Variants in ERC2 observed in about 807,000 individuals in gnomAD.
ERC2 encodes ERC protein 2.
ERC2 carries 42 observed loss-of-function variants against 114.8 expected under a neutral mutation model. The observed-to-expected ratio is 0.37, with a 90% CI of 0.29 to 0.47. The LOEUF (loss-of-function observed/expected upper bound fraction) is 0.47, where lower values mean the gene tolerates loss of function less well. ERC2 is among the 20% of genes least tolerant of loss of function. The pLI is 0.99. For synonymous variants in ERC2, 454 were observed against 425.5 expected (o/e 1.07, Z -0.82); for missense variants, 939 against 1,150.7 (o/e 0.82, Z 2.66).
At chr3:56,355,137 T>C (rs566239588) in intron 2 of ERC2, among the ~76,000 whole-genome samples, 2 of 152,202 alleles carry the variant, frequency 1.3e-5, no homozygotes, top group African/African-American at 4.8e-5. Context: ...TCATTGTGAG[T>C]GAAGAGAACA....
intron 17 of ERC2, among the ~76,000 whole-genome samples, chr3:55,548,877 T>C (rs995889255): frequency 6.6e-6 from 1 of 152,152 alleles, no homozygotes; most frequent in African/African-American, 2.4e-5. Context: ...CTCCAGCCAA[T>C]GTTGTTTTTC....
chr3:56,024,820 G>A lies in ERC2; in HGVS notation c.1642-5789C>T, dbSNP rs6778922. Among the ~76,000 whole-genome samples the A allele has an allele frequency of 2.7e-3, 410 of 152,284 alleles. 5 individuals carry two copies. Among genetic ancestry groups the A allele is most frequent in the African/African-American group, 9.5e-3 (395 of 41,560 alleles). On this transcript the variant is annotated intron_variant, in intron 7 of 17. Transcript: ENST00000288221. ...CTTTCTTTCTCTCAAGTTCCTACAGGCTGACAAGGTTAAGGTTTGACTCAG... is the reference window on the plus strand; with the variant it reads ...CTTTCTTTCTCTCAAGTTCCTACAGACTGACAAGGTTAAGGTTTGACTCAG...
At chr3:56,427,967 A>C (rs2061635303) in intron 2 of ERC2, among the ~76,000 whole-genome samples, 1 of 152,226 alleles carries the variant, frequency 6.6e-6, no homozygotes, top group Non-Finnish European at 1.5e-5. Context: ...GACTGACCAG[A>C]AAATCCGTTT....
At position 56,434,615 on chromosome 3, in the gene ERC2, G is replaced by GTGA. The variant is rs1290769897; in HGVS notation, c.390_392dup (p.His133dup). 1 of 1,613,854 alleles carries GTGA rather than the reference G, an allele frequency of 6.2e-7. No homozygotes were observed. The highest frequency in any genetic ancestry group is 1.3e-5 in the African/African-American group (1 of 74,912). On this transcript the variant is annotated inframe_insertion, in exon 2 of 18. Coordinates refer to ENST00000288221, the MANE Select transcript of ERC2 (RefSeq NM_015576.3). Reference sequence around the variant, plus strand: ...TCAACATGGAGGGGACCTGGTGGTGGTGATGATGGGATGAGCCAGTCAGCC... The same window carrying GTGA: ...TCAACATGGAGGGGACCTGGTGGTGGTGATGATGATGGGATGAGCCAGTCAGCC...
intron 13 of ERC2, among the ~76,000 whole-genome samples, chr3:55,948,584 C>T (rs1030504410): frequency 7.9e-5 from 12 of 152,150 alleles, no homozygotes; most frequent in African/African-American, 2.9e-4. Context: ...ATTTCAAATG[C>T]TATCCTTTAT....
intron 3 of ERC2, among the ~76,000 whole-genome samples, chr3:56,217,926 G>A (rs1046701531): frequency 1.3e-5 from 2 of 152,014 alleles, no homozygotes; most frequent in Admixed American, 1.3e-4. Context: ...TGGGAAAACT[G>A]GCTAGCCATA....
intron 7 of ERC2, among the ~76,000 whole-genome samples, chr3:56,056,923 C>T (rs184938213): frequency 6.6e-5 from 10 of 152,202 alleles, no homozygotes; most frequent in Non-Finnish European, 1.2e-4. Context: ...GGCTTCTCTA[C>T]GAGGTAGGTA....
Position 56,171,296 on chromosome 3 carries a change from A to T in ERC2, c.1149+2150T>A, listed in dbSNP as rs551169778. ...TCACAGCCTCCAGCCTGAGCTATAC[A>T]CATGGCTGGGATGACCCTCCACCAG... On this transcript the variant is annotated intron_variant, in intron 4 of 17. Coordinates refer to ENST00000288221, the MANE Select transcript of ERC2 (RefSeq NM_015576.3). 1.2e-4 allele frequency among the ~76,000 whole-genome samples: 19 copies of T among 152,288 alleles called. No individual in the cohort carries two copies. The South Asian group carries it at 3.9e-3, about 32-fold the overall frequency.
At chr3:55,744,129 A>T (rs972495625) in intron 14 of ERC2, among the ~76,000 whole-genome samples, 3 of 152,150 alleles carry the variant, frequency 2.0e-5, no homozygotes, top group African/African-American at 7.2e-5. Flanking sequence ...GTGGCCAGGC[A>T]TGGTGGATCA....
intron 14 of ERC2, among the ~76,000 whole-genome samples, chr3:55,742,921 A>G (rs530198477): frequency 6.6e-6 from 1 of 152,358 alleles, no homozygotes; most frequent in Admixed American, 6.5e-5. Flanking sequence ...GGCCATGCAG[A>G]AAGCAAAGCA....
intron 15 of ERC2, among the ~76,000 whole-genome samples, chr3:55,719,135 A>G (rs1234295447): frequency 6.6e-6 from 1 of 152,216 alleles, no homozygotes; most frequent in Non-Finnish European, 1.5e-5. Flanking sequence ...ATGTTACAAC[A>G]CTGAACATGG....
chr3:55,794,998 T>C (rs1465564898), intron 14 of ERC2, among the ~76,000 whole-genome samples: 1 of 152,196 alleles, frequency 6.6e-6, no homozygotes, highest in Non-Finnish European at 1.5e-5. Flanking sequence ...TTGATTTGCT[T>C]CAAATGGTCT....
intron 10 of ERC2, among the ~76,000 whole-genome samples, chr3:55,995,311 G>A (rs772456800): frequency 6.0e-5 from 9 of 150,946 alleles, no homozygotes; most frequent in Non-Finnish European, 1.0e-4. Context: ...CCAGCCTGGC[G>A]ACAGAGCGAT....
intron 15 of ERC2, among the ~76,000 whole-genome samples, chr3:55,732,890 G>A (rs545054392): frequency 1.3e-5 from 2 of 152,254 alleles, no homozygotes; most frequent in Admixed American, 1.3e-4. Context: ...ATAGAGTACT[G>A]GAAATCATCA....
At chr3:56,428,256 C>T (rs1481615979) in intron 2 of ERC2, among the ~76,000 whole-genome samples, 1 of 152,100 alleles carries the variant, frequency 6.6e-6, no homozygotes, top group African/African-American at 2.4e-5. Context: ...GGCGGTGGCT[C>T]ACGCCTGTAA....
chr3:56,444,128 ATTT>A (rs552859347), intron 1 of ERC2, among the ~76,000 whole-genome samples: 5 of 134,830 alleles, frequency 3.7e-5, no homozygotes, highest in Non-Finnish European at 6.4e-5. Flanking sequence ...CACCTGGCTA[ATTT>A]TTTTTTTTTT....
intron 17 of ERC2, among the ~76,000 whole-genome samples, chr3:55,551,757 TC>T (rs2055223842): frequency 6.6e-6 from 1 of 152,128 alleles, no homozygotes; most frequent in East Asian, 1.9e-4. Flanking sequence ...CTCAAAGTCC[TC>T]CGATTTAAAT....
In ERC2 at chr3:55,799,049, C is replaced by A. The variant is rs139473214; in HGVS notation, c.2565-64131G>T. On this transcript the variant is annotated intron_variant, in intron 14 of 17. Transcript: ENST00000288221. Reference sequence around the variant, plus strand: ...GGTACACAGAGTTAATGTGTGTTCTCATCTCTATATAATATGGAAGGGGGA... The same window carrying A: ...GGTACACAGAGTTAATGTGTGTTCTAATCTCTATATAATATGGAAGGGGGA... Among the ~76,000 whole-genome samples the A allele has an allele frequency of 5.0e-4, 76 of 152,186 alleles. No individual in the cohort carries two copies. The East Asian group carries it at 9.5e-3, about 19-fold the overall frequency.
At chr3:56,276,033 A>T (rs1386328894) in intron 3 of ERC2, among the ~76,000 whole-genome samples, 2 of 152,212 alleles carry the variant, frequency 1.3e-5, no homozygotes, top group Non-Finnish European at 2.9e-5. Context: ...GCAAACTTGC[A>T]CTGGAGTTAA....
Sources: allele counts gnomAD v4.1 joint callset (sites outside exome capture counted in the v4.1 genomes callset), GRCh38; gene constraint gnomAD v4.1.1; transcripts MANE v1.5; gene names NCBI Gene and HGNC (gene_info 2026-07-23, HGNC 2026-07-21).